The following BCAS1 variants were observed in gnomAD, a reference collection of about 807,000 sequenced individuals.
The protein encoded by BCAS1 is brain enriched myelin associated protein 1.
BCAS1 carries 46 observed loss-of-function variants against 65.4 expected under a neutral mutation model. That is an observed-to-expected ratio of 0.70 (90% CI 0.55 to 0.90). The LOEUF is 0.90. Among genes scored for constraint, BCAS1 ranks in the 40% least tolerant of loss-of-function variants. BCAS1 has a pLI of 0.00. For synonymous variants in BCAS1, 298 were observed against 293.5 expected, an observed-to-expected ratio of 1.02 and a Z score of -0.16; for missense variants, 793 against 771.2, an observed-to-expected ratio of 1.03 and a Z score of -0.33.
intron 2 of BCAS1, 119 bp from the exon 3 acceptor site, chr20:54,058,273 G>C (rs112697226): frequency 1.1e-6 from 1 of 934,146 alleles, no homozygotes; most frequent in South Asian, 1.5e-5. Context: ...CTTAAAGGCT[G>C]TGTTTCTAGA....
chr20:54,069,935 T>C (rs535265064), intron 1 of BCAS1, among the ~76,000 whole-genome samples: 2 of 152,354 alleles, frequency 1.3e-5, no homozygotes, highest in South Asian at 4.1e-4. Context: ...AATCAGCAGC[T>C]GCCTCATAGG....
intron 4 of BCAS1, among the ~76,000 whole-genome samples, chr20:54,023,966 C>A (rs922068120): frequency 2.0e-5 from 3 of 152,200 alleles, no homozygotes; most frequent in Non-Finnish European, 4.4e-5. Context: ...GGAGAAAACC[C>A]ATAATACTGG....
intron 10 of BCAS1, among the ~76,000 whole-genome samples, chr20:53,959,777 GACAA>G (rs1215067604): frequency 1.3e-5 from 2 of 152,156 alleles, no homozygotes; most frequent in East Asian, 1.9e-4. Context: ...CACTAAGATT[GACAA>G]ACAAAGATCA....
chr20:54,049,786 C>T (rs1469832863), intron 3 of BCAS1, among the ~76,000 whole-genome samples: 1 of 152,094 alleles, frequency 6.6e-6, no homozygotes, highest in Non-Finnish European at 1.5e-5. Context: ...TTTTAGAGCT[C>T]CCCTACAAAG....
intron 3 of BCAS1, among the ~76,000 whole-genome samples, chr20:54,042,799 A>C (rs1409265042): frequency 1.3e-5 from 2 of 152,238 alleles, no homozygotes; most frequent in Non-Finnish European, 2.9e-5. Context: ...ACTAGAAATG[A>C]GAGGTGGGAT....
intron 4 of BCAS1, among the ~76,000 whole-genome samples, chr20:54,020,097 A>G (rs2091525138): frequency 6.6e-6 from 1 of 152,202 alleles, no homozygotes; most frequent in African/African-American, 2.4e-5. Context: ...GATGTTTCAA[A>G]AGTTTTAAAG....
At chr20:54,045,588 AC>A (rs2092088604) in intron 3 of BCAS1, among the ~76,000 whole-genome samples, 1 of 152,250 alleles carries the variant, frequency 6.6e-6, no homozygotes, top group South Asian at 2.1e-4. Flanking sequence ...CATAAGCAAA[AC>A]AACTCGAACT....
chr20:54,022,353 T>A (rs933491696), intron 4 of BCAS1, among the ~76,000 whole-genome samples: 1 of 152,200 alleles, frequency 6.6e-6, no homozygotes, highest in Non-Finnish European at 1.5e-5. Context: ...CCCTAAATGA[T>A]ACACTATTCA....
Position 53,951,047 on chromosome 20 carries a change from T to C in BCAS1, c.1815+2385A>G, listed in dbSNP as rs567466083. 2.6e-5 allele frequency among the ~76,000 whole-genome samples: 4 copies of C among 152,362 alleles called. No homozygotes were observed. In the South Asian group the frequency reaches 6.2e-4, roughly 24 times the overall value. ...ATTAGAAATCATCTGAACTTTTCCATACCATCTTTCTTTTTCAGCCTTCGT... is the reference window on the plus strand; with the variant it reads ...ATTAGAAATCATCTGAACTTTTCCACACCATCTTTCTTTTTCAGCCTTCGT... On this transcript the variant is annotated intron_variant, in intron 12 of 12. Transcript: ENST00000688948.
chr20:54,045,224 A>C (rs577441586), intron 3 of BCAS1, among the ~76,000 whole-genome samples: 15 of 151,856 alleles, frequency 9.9e-5, no homozygotes, highest in Admixed American at 9.2e-4. Flanking sequence ...AAAAAAAAAA[A>C]AACAAAACAA....
intron 4 of BCAS1, among the ~76,000 whole-genome samples, chr20:54,003,408 G>T (rs999961813): frequency 3.3e-5 from 5 of 152,024 alleles, no homozygotes; most frequent in Non-Finnish European, 5.9e-5. Flanking sequence ...TATTCTTCAC[G>T]ATTGGAATCA....
intron 4 of BCAS1, among the ~76,000 whole-genome samples, chr20:53,999,602 C>T (rs907959441): frequency 4.6e-5 from 7 of 152,104 alleles, no homozygotes; most frequent in African/African-American, 1.7e-4. Context: ...CTTTTGTAAC[C>T]CCAGTGACCT....
chr20:53,976,453 G>T (rs1428931424), intron 8 of BCAS1, among the ~76,000 whole-genome samples: 1 of 152,002 alleles, frequency 6.6e-6, no homozygotes, highest in Non-Finnish European at 1.5e-5. Flanking sequence ...GCATCCAGGG[G>T]AGGGGAAGAC....
intron 4 of BCAS1, among the ~76,000 whole-genome samples, chr20:54,022,847 C>T (rs143648175): frequency 2.0e-4 from 30 of 152,362 alleles, no homozygotes; most frequent in African/African-American, 7.0e-4. Flanking sequence ...ATACCTAGGT[C>T]ACCCAGGCTC....
At chr20:54,044,700 C>T (rs1021423873) in intron 3 of BCAS1, among the ~76,000 whole-genome samples, 60 of 151,476 alleles carry the variant, frequency 4.0e-4, no homozygotes, top group African/African-American at 1.3e-3. Flanking sequence ...TAGCCAGATG[C>T]GGTGGCACGC....
chr20:53,963,569 C>T (rs117581317), intron 10 of BCAS1, among the ~76,000 whole-genome samples: 2,913 of 152,232 alleles, frequency 0.019, 32 homozygotes, highest in Non-Finnish European at 0.024. Flanking sequence ...GGTTTTGCAG[C>T]TGAGTTCTCT....
rs2091731652 is a variant in BCAS1, at chr20:54,028,654, G to A, written c.461C>T (p.Pro154Leu). 1.2e-6 allele frequency: 2 copies of A among 1,614,152 alleles called. No homozygotes were observed. The highest frequency in any genetic ancestry group is 2.7e-5 in the African/African-American group (2 of 75,038). The change falls in exon 4 of 13, where the codon CCA (proline) becomes CTA (leucine). Residue 154 changes from proline to leucine, a missense_variant. Pro to Leu is a moderately conservative substitution (Grantham distance 98, BLOSUM62 -3). Transcript: ENST00000688948. ...CTTGTCTTGGGCCGGGGCGTGCCCT[G>A]GGGTTTTATCTGTGTCCTGCCCCGG... ...AGPGQDTDKT[P>L]GHAPAQDKVL...
In BCAS1 at chr20:53,967,011, T is replaced by TG; in HGVS notation, c.1379dup (p.Val461SerfsTer11). On this transcript the variant is annotated frameshift_variant, in exon 10 of 13. Transcript: ENST00000688948. LOFTEE classifies it high-confidence loss of function. ...CAGCATCTCCTTCGTTGAGGTCCAC[T>TG]GTTTGTAAGGCTGATTCTACTTCCT... 5 of 1,613,348 alleles carry TG rather than the reference T, an allele frequency of 3.1e-6. No homozygotes were observed. The highest frequency in any genetic ancestry group is 4.2e-6 in the Non-Finnish European group (5 of 1,179,646).
intron 1 of BCAS1, among the ~76,000 whole-genome samples, chr20:54,059,943 T>G (rs2092356045): frequency 1.3e-5 from 2 of 152,244 alleles, no homozygotes; most frequent in South Asian, 4.1e-4. Flanking sequence ...GGCTGGGCAC[T>G]AGGGTTACAG....
Sources: gnomAD v4.1 joint callset for allele counts (sites outside exome capture counted in the v4.1 genomes callset) on GRCh38, gnomAD v4.1.1 for gene constraint, MANE v1.5 for transcripts, NCBI Gene and HGNC (gene_info 2026-07-23, HGNC 2026-07-21) for gene names.